EXT2: variants seen among roughly 807,000 people sequenced by gnomAD.
EXT2 encodes exostosin glycosyltransferase 2, also known as exostosin-2.
EXT2 carries 53 observed loss-of-function variants against 81.6 expected under a neutral mutation model. The observed-to-expected ratio is 0.65, with a 90% CI of 0.52 to 0.82. EXT2 has a LOEUF of 0.82. Among genes scored for constraint, EXT2 ranks in the 40% least tolerant of loss-of-function variants. The pLI is 0.00. For synonymous variants in EXT2, 320 were observed against 340.0 expected (o/e 0.94, Z 0.65); for missense variants, 774 against 910.2 (o/e 0.85, Z 1.93).
chr11:44,147,103 C>G (rs1954728526), intron 7 of EXT2, among the ~76,000 whole-genome samples: 1 of 152,124 alleles, frequency 6.6e-6, no homozygotes, highest in Non-Finnish European at 1.5e-5. Flanking sequence ...GTTGCCTCAC[C>G]TAGATGCATC....
intron 10 of EXT2, among the ~76,000 whole-genome samples, chr11:44,215,512 A>G (rs941408391): frequency 6.6e-6 from 1 of 152,220 alleles, no homozygotes; most frequent in Non-Finnish European, 1.5e-5. Flanking sequence ...GCCCCATAAA[A>G]GGTCTATTTT....
At chr11:44,232,823 C>T (rs1955915006) in intron 11 of EXT2, among the ~76,000 whole-genome samples, 1 of 152,068 alleles carries the variant, frequency 6.6e-6, no homozygotes, top group South Asian at 2.1e-4. Flanking sequence ...TTCTCATTAG[C>T]CTGCTTTTTC....
At chr11:44,166,038 A>G (rs1954989638) in intron 7 of EXT2, among the ~76,000 whole-genome samples, 1 of 152,246 alleles carries the variant, frequency 6.6e-6, no homozygotes, top group African/African-American at 2.4e-5. Context: ...AATGAATATA[A>G]AAGTGCTCTG....
intron 7 of EXT2, among the ~76,000 whole-genome samples, chr11:44,164,341 A>G (rs1051223704): frequency 5.2e-4 from 79 of 152,234 alleles, no homozygotes; most frequent in African/African-American, 1.7e-3. Context: ...TCTTTGAGTT[A>G]GGTTCTGTTG....
At chr11:44,219,305 C>T (rs556311425) in intron 10 of EXT2, among the ~76,000 whole-genome samples, 94 of 151,790 alleles carry the variant, frequency 6.2e-4, no homozygotes, top group African/African-American at 2.2e-3. Flanking sequence ...AGTTCAAGAC[C>T]AGCCTGAACA....
chr11:44,228,542 G>A (rs1054690501), intron 10 of EXT2, among the ~76,000 whole-genome samples: 1 of 152,160 alleles, frequency 6.6e-6, no homozygotes, highest in African/African-American at 2.4e-5. Flanking sequence ...GTTTCACTCC[G>A]TTTTGATCCT....
intron 1 of EXT2, among the ~76,000 whole-genome samples, chr11:44,105,045 A>G (rs1001265636): frequency 1.3e-5 from 2 of 152,166 alleles, no homozygotes; most frequent in Non-Finnish European, 2.9e-5. Flanking sequence ...GAAATGATTC[A>G]TGACCATTTA....
At chr11:44,211,379 G>A (rs1043008142) in intron 10 of EXT2, among the ~76,000 whole-genome samples, 1 of 152,132 alleles carries the variant, frequency 6.6e-6, no homozygotes, top group Non-Finnish European at 1.5e-5. Context: ...ATCAACCTAA[G>A]TATCCATAAA....
At position 44,135,478 on chromosome 11, in the gene EXT2, G is replaced by C. The variant is rs150862092; in HGVS notation, c.1173+5340G>C. 2.6e-3 allele frequency among the ~76,000 whole-genome samples: 392 copies of C among 149,350 alleles called. 2 individuals carry two copies. Among genetic ancestry groups the C allele is most frequent in the African/African-American group, 9.4e-3 (381 of 40,318 alleles). Reference sequence around the variant, plus strand: ...GCGATCTCAGCTCACTGCAACCTCTGCCTCCTGGGTTCAAGTGATTCTCGT... The same window carrying C: ...GCGATCTCAGCTCACTGCAACCTCTCCCTCCTGGGTTCAAGTGATTCTCGT... On this transcript the variant is annotated intron_variant, in intron 7 of 13. Coordinates refer to ENST00000533608, the MANE Select transcript of EXT2 (RefSeq NM_207122.2).
chr11:44,130,231 G>GAGGAAGTAAACCCCACTCA, intron 7 of EXT2, 93 bp downstream of exon 7: 1 of 954,076 alleles, frequency 1.0e-6, no homozygotes, highest in Non-Finnish European at 1.7e-6. Flanking sequence ...TGCCTGAGTG[G>GAGGAAGTAAACCCCACTCA]GGTTTACTTC....
rs1005505137 is a variant in EXT2, at chr11:44,246,706, A to G, written c.*2419A>G. ...TAGAAATTCAAGACAGGGATATAGC[A>G]GGTGATGGCGATTCATGGATTCAGA... On this transcript the variant is annotated 3_prime_UTR_variant, in exon 14 of 14. Coordinates refer to ENST00000533608, the MANE Select transcript of EXT2 (RefSeq NM_207122.2). Among the ~76,000 whole-genome samples the G allele has an allele frequency of 2.6e-5, 4 of 152,216 alleles. No homozygotes were observed. Among genetic ancestry groups the G allele is most frequent in the Non-Finnish European group, 4.4e-5 (3 of 68,026 alleles).
intron 4 of EXT2, among the ~76,000 whole-genome samples, chr11:44,115,466 C>T (rs542131754): frequency 1.1e-4 from 16 of 152,064 alleles, no homozygotes; most frequent in Non-Finnish European, 2.1e-4. Flanking sequence ...ATGGATGTAA[C>T]CTTTTTTTTT....
rs1956111949 is a variant in EXT2, at chr11:44,248,265, C to A, written c.*3978C>A. Among the ~76,000 whole-genome samples the A allele has an allele frequency of 6.6e-6, 1 of 152,236 alleles. No homozygotes were observed. The highest frequency in any genetic ancestry group is 2.4e-5 in the African/African-American group (1 of 41,462). On this transcript the variant is annotated 3_prime_UTR_variant, in exon 14 of 14. Transcript: ENST00000533608. ...AGAGTAGAGAATGCTAAACTGGCCC[C>A]ATGTCTCCTCCAGCCACTTCCTGAG...
intron 7 of EXT2, among the ~76,000 whole-genome samples, chr11:44,161,614 G>A (rs1459236570): frequency 1.3e-5 from 2 of 152,158 alleles, no homozygotes; most frequent in Non-Finnish European, 2.9e-5. Context: ...CCTCCAGGAG[G>A]TGAAGCTTCA....
chr11:44,237,024 C>G (rs1955973743), intron 13 of EXT2, among the ~76,000 whole-genome samples: 1 of 152,148 alleles, frequency 6.6e-6, no homozygotes, highest in Non-Finnish European at 1.5e-5. Context: ...CACTTGTGCC[C>G]CAAAAGTCCC....
At chr11:44,104,803 G>A (rs985633499) in intron 1 of EXT2, 5 of 152,338 alleles carry the variant, frequency 3.3e-5, no homozygotes, top group African/African-American at 9.6e-5. Context: ...CAGCTGGTAG[G>A]GGATGGGAGC....
chr11:44,248,501 A>G lies in EXT2; in HGVS notation c.*4214A>G, dbSNP rs1194252380. Among the ~76,000 whole-genome samples, 1 of 152,236 alleles carries G rather than the reference A, an allele frequency of 6.6e-6. No homozygotes were observed. Among genetic ancestry groups the G allele is most frequent in the Non-Finnish European group, 1.5e-5 (1 of 68,050 alleles). On this transcript the variant is annotated 3_prime_UTR_variant, in exon 14 of 14. Coordinates refer to ENST00000533608, the MANE Select transcript of EXT2 (RefSeq NM_207122.2). ...ACTCACCCACTTTCTACTTCTGAGT[A>G]GAATCAAGGGCAGCATTTGGTCCCA...
At chr11:44,128,109 T>G (rs767428492) in intron 6 of EXT2, among the ~76,000 whole-genome samples, 3 of 152,248 alleles carry the variant, frequency 2.0e-5, no homozygotes, top group Non-Finnish European at 2.9e-5. Context: ...ACCACAGGTA[T>G]TTGAACAACT....
chr11:44,167,675 T>A (rs1955012443), intron 7 of EXT2, among the ~76,000 whole-genome samples: 1 of 152,006 alleles, frequency 6.6e-6, no homozygotes, highest in Non-Finnish European at 1.5e-5. Flanking sequence ...TTAAGAAGTG[T>A]GCTAAAATTG....
Sources: gnomAD v4.1 joint callset for allele counts (sites outside exome capture counted in the v4.1 genomes callset) on GRCh38, gnomAD v4.1.1 for gene constraint, MANE v1.5 for transcripts, NCBI Gene and HGNC (gene_info 2026-07-23, HGNC 2026-07-21) for gene names.